The following FAF1 variants were observed in gnomAD, a reference collection of about 807,000 sequenced individuals.
FAF1 encodes the protein FAS-associated factor 1.
FAF1 carries 25 observed loss-of-function variants against 92.5 expected under a neutral mutation model. The ratio of observed to expected loss-of-function variants is 0.27; its 90% confidence interval spans 0.20 to 0.38. The LOEUF (loss-of-function observed/expected upper bound fraction) is 0.38, where lower values mean the gene tolerates loss of function less well. FAF1 is among the 10% of genes least tolerant of loss of function. FAF1 has a pLI of 1.00. For missense variants in FAF1, 636 were observed against 793.3 expected, an observed-to-expected ratio of 0.80 and a Z score of 2.38; for synonymous variants, 234 against 273.2, an observed-to-expected ratio of 0.86 and a Z score of 1.42.
intron 1 of FAF1, among the ~76,000 whole-genome samples, chr1:50,959,099 A>G (rs1432868418): frequency 1.3e-5 from 2 of 152,212 alleles, no homozygotes; most frequent in Non-Finnish European, 2.9e-5. Flanking sequence ...GACACCAACC[A>G]AGCAATTCAA....
At position 50,583,619 on chromosome 1, in the gene FAF1, A is replaced by G. The variant is rs370340368; in HGVS notation, c.1031+33T>C. The G allele has an allele frequency of 1.8e-4, 247 of 1,342,114 alleles. 1 individual carries two copies. The highest frequency in any genetic ancestry group is 2.5e-4 in the Non-Finnish European group (241 of 983,438). 83.1% of individuals were successfully genotyped at this position (1,342,114 alleles called of 1,614,324 possible). A position where few individuals can be genotyped will look rare whatever the true frequency, so the allele number is the denominator to read the frequency against. ...AAAAATCACAGTAGCATAAAACAGCATCAAATTTATATAGTTAATGTCCTA... is the reference window on the plus strand; with the variant it reads ...AAAAATCACAGTAGCATAAAACAGCGTCAAATTTATATAGTTAATGTCCTA... On this transcript the variant is annotated intron_variant, in intron 11 of 18. Coordinates refer to ENST00000396153, the MANE Select transcript of FAF1 (RefSeq NM_007051.3). The surrounding 1 kb of genome is among the most constrained non-coding windows in gnomAD (Gnocchi z 4.2).
intron 18 of FAF1, among the ~76,000 whole-genome samples, chr1:50,461,021 G>A (rs141497835): frequency 9.8e-4 from 149 of 152,298 alleles, no homozygotes; most frequent in Non-Finnish European, 1.6e-3. Flanking sequence ...AGTGGTTGAT[G>A]AAAATGTGAC....
chr1:50,691,472 C>T (rs778503947), intron 7 of FAF1, among the ~76,000 whole-genome samples: 32 of 152,124 alleles, frequency 2.1e-4, no homozygotes, highest in Non-Finnish European at 3.4e-4. Context: ...AAACTCCTGA[C>T]CTCAAGTAAT....
At chr1:50,542,860 C>T (rs1286092635) in intron 13 of FAF1, among the ~76,000 whole-genome samples, 6 of 152,034 alleles carry the variant, frequency 3.9e-5, no homozygotes, top group African/African-American at 1.5e-4. Flanking sequence ...TAAATGCCCT[C>T]ACTAAGGGAA....
intron 4 of FAF1, among the ~76,000 whole-genome samples, chr1:50,766,010 T>C (rs993382486): frequency 1.3e-5 from 2 of 151,976 alleles, no homozygotes; most frequent in South Asian, 2.1e-4. Context: ...AAGAATAGCT[T>C]GAACCCGGGA....
intron 1 of FAF1, among the ~76,000 whole-genome samples, chr1:50,926,165 T>C (rs532679356): frequency 6.6e-6 from 1 of 152,080 alleles, no homozygotes. Context: ...TACTGAAGCA[T>C]ATGATCACAC....
intron 8 of FAF1, chr1:50,612,554 A>G: frequency 1.3e-6 from 1 of 781,672 alleles, no homozygotes; most frequent in Non-Finnish European, 1.6e-6. Context: ...GTGAGATGCC[A>G]TTTACCCCTC....
intron 2 of FAF1, among the ~76,000 whole-genome samples, chr1:50,838,033 G>A (rs765585946): frequency 5.3e-5 from 8 of 152,034 alleles, no homozygotes; most frequent in Admixed American, 1.3e-4. Flanking sequence ...GTGAGCCACC[G>A]CGCCTGGCTG....
chr1:50,506,104 G>T (rs1016580913), intron 15 of FAF1, among the ~76,000 whole-genome samples: 2 of 152,148 alleles, frequency 1.3e-5, no homozygotes, highest in Non-Finnish European at 2.9e-5. Context: ...GCATATGAGG[G>T]CAAAGGAATA....
At chr1:50,958,313 A>G (rs1342572803) in intron 1 of FAF1, among the ~76,000 whole-genome samples, 6 of 152,142 alleles carry the variant, frequency 3.9e-5, no homozygotes, top group Non-Finnish European at 7.3e-5. Flanking sequence ...TATTCCTAAT[A>G]CCTGTATATC....
chr1:50,729,229 A>G (rs1456325962), intron 6 of FAF1, among the ~76,000 whole-genome samples: 2 of 146,228 alleles, frequency 1.4e-5, no homozygotes, highest in African/African-American at 5.1e-5. Flanking sequence ...CTTATTTTGT[A>G]TTTTTAGTAA....
At chr1:50,942,142 T>TATAAC (rs1336763520) in intron 1 of FAF1, among the ~76,000 whole-genome samples, 1 of 152,172 alleles carries the variant, frequency 6.6e-6, no homozygotes, top group Non-Finnish European at 1.5e-5. Context: ...TGTTACAAAT[T>TATAAC]AGATGGCATA....
Position 50,460,651 on chromosome 1 carries a change from T to G in FAF1, c.1869+14813A>C, listed in dbSNP as rs1187825583. 3.3e-5 allele frequency among the ~76,000 whole-genome samples: 5 copies of G among 151,096 alleles called. No homozygotes were observed. The East Asian group carries it at 9.8e-4, about 29-fold the overall frequency. On this transcript the variant is annotated intron_variant, in intron 18 of 18. Transcript: ENST00000396153. Reference sequence around the variant, plus strand: ...TGTGTATATACACACACTTTTTTTTTGAGGCAGGGCCTGGCTCTCTAGCCC... The same window carrying G: ...TGTGTATATACACACACTTTTTTTTGGAGGCAGGGCCTGGCTCTCTAGCCC...
intron 2 of FAF1, among the ~76,000 whole-genome samples, chr1:50,826,372 G>A (rs1435551312): frequency 6.6e-6 from 1 of 151,792 alleles, no homozygotes; most frequent in Non-Finnish European, 1.5e-5. Context: ...CCAACATGGT[G>A]AAACCCCGTC....
intron 8 of FAF1, among the ~76,000 whole-genome samples, chr1:50,654,134 T>C (rs1301995633): frequency 2.0e-5 from 3 of 152,220 alleles, no homozygotes; most frequent in African/African-American, 4.8e-5. Context: ...AGAATTCTTT[T>C]ATATTAAAAT....
intron 7 of FAF1, among the ~76,000 whole-genome samples, chr1:50,697,547 TAAA>T (rs1174023571): frequency 6.6e-6 from 1 of 152,168 alleles, no homozygotes; most frequent in African/African-American, 2.4e-5. Context: ...GGGAGCAACT[TAAA>T]ACAAATTTCA....
intron 15 of FAF1, among the ~76,000 whole-genome samples, chr1:50,525,971 T>C (rs1399341792): frequency 6.6e-6 from 1 of 152,220 alleles, no homozygotes; most frequent in Non-Finnish European, 1.5e-5. Flanking sequence ...CTCACCCAGA[T>C]GCAAACCACA....
intron 1 of FAF1, among the ~76,000 whole-genome samples, chr1:50,895,086 A>C (rs1322372133): frequency 6.6e-6 from 1 of 152,166 alleles, no homozygotes. Flanking sequence ...AGATCAATGA[A>C]ACTAAAAGCT....
intron 8 of FAF1, among the ~76,000 whole-genome samples, chr1:50,601,400 G>A (rs965863867): frequency 3.9e-5 from 6 of 152,148 alleles, no homozygotes; most frequent in East Asian, 1.9e-4. Context: ...TAGGCTGGGC[G>A]TGGTGGCTCG....
Sources: gnomAD v4.1 joint callset for allele counts (sites outside exome capture counted in the v4.1 genomes callset) on GRCh38, gnomAD v4.1.1 for gene constraint, Gnocchi (gnomAD v3.1) non-coding constraint, MANE v1.5 for transcripts, NCBI Gene and HGNC (gene_info 2026-07-23, HGNC 2026-07-21) for gene names.